The following CA10 variants were observed in gnomAD, a reference collection of about 807,000 sequenced individuals.
CA10 encodes carbonic anhydrase-related protein 10.
In CA10, 14 loss-of-function variants were observed where a neutral mutation model predicts 44.2. The observed-to-expected ratio is 0.32, with a 90% CI of 0.21 to 0.50. The LOEUF is 0.50. CA10 is among the 20% of genes least tolerant of loss of function. The pLI is 0.99. For synonymous variants in CA10, 159 were observed against 141.6 expected (o/e 1.12, Z -0.87); for missense variants, 350 against 409.7 (o/e 0.85, Z 1.26).
chr17:52,024,853 A>G (rs1304377561), intron 2 of CA10, among the ~76,000 whole-genome samples: 1 of 151,996 alleles, frequency 6.6e-6, no homozygotes, highest in Non-Finnish European at 1.5e-5. Context: ...GGTGATAGTG[A>G]TAATAATTAT....
At chr17:51,790,379 G>T (rs1906471348) in intron 3 of CA10, among the ~76,000 whole-genome samples, 1 of 152,136 alleles carries the variant, frequency 6.6e-6, no homozygotes, top group South Asian at 2.1e-4. Flanking sequence ...CCTCTGAGTT[G>T]CAGTTAATAA....
intron 2 of CA10, among the ~76,000 whole-genome samples, chr17:51,934,131 CTAAGTT>C (rs1982773085): frequency 1.3e-5 from 2 of 152,140 alleles, no homozygotes; most frequent in Non-Finnish European, 2.9e-5. Context: ...GAACTGCTAT[CTAAGTT>C]TATTTACCCC....
rs1052042446 is a variant in CA10, at chr17:51,736,197, A to G, written c.465+11436T>C. 6.6e-5 allele frequency among the ~76,000 whole-genome samples: 10 copies of G among 152,330 alleles called. No homozygotes were observed. In the East Asian group the frequency reaches 1.7e-3, roughly 26 times the overall value. On this transcript the variant is annotated intron_variant, in intron 4 of 8. Transcript: ENST00000451037. ...TAAATTGCCTAGGGTCACAGCTGAT[A>G]GAGCCAGGATTCAAACACAGGAATG...
At chr17:52,127,536 A>G (rs1012222757) in intron 1 of CA10, among the ~76,000 whole-genome samples, 2 of 152,164 alleles carry the variant, frequency 1.3e-5, no homozygotes, top group African/African-American at 4.8e-5. Flanking sequence ...TAATGAAGTA[A>G]CAATGTACAC....
chr17:51,654,409 C>T (rs1913705625), intron 4 of CA10, among the ~76,000 whole-genome samples: 1 of 152,120 alleles, frequency 6.6e-6, no homozygotes, highest in African/African-American at 2.4e-5. Flanking sequence ...ACAGATGCTC[C>T]AGCAATTTTT....
chr17:51,728,218 T>C (rs559276592), intron 4 of CA10, among the ~76,000 whole-genome samples: 1 of 152,292 alleles, frequency 6.6e-6, no homozygotes, highest in African/African-American at 2.4e-5. Flanking sequence ...TGAAATAATT[T>C]TGATCTGTAG....
At position 51,660,367 on chromosome 17, in the gene CA10, C is replaced by T. The variant is rs180861577; in HGVS notation, c.466-6631G>A. Among the ~76,000 whole-genome samples, 33 of 152,320 alleles carry T rather than the reference C, an allele frequency of 2.2e-4. No homozygotes were observed. The East Asian group carries it at 6.4e-3, about 29-fold the overall frequency. ...AAGTGGAAGCCTGAAAACCATTGGC[C>T]TTTGGTGACCGGTAACTCAGCTTTC... On this transcript the variant is annotated intron_variant, in intron 4 of 8. Transcript: ENST00000451037.
intron 2 of CA10, among the ~76,000 whole-genome samples, chr17:51,946,383 G>C (rs1983272786): frequency 6.6e-6 from 1 of 152,158 alleles, no homozygotes; most frequent in South Asian, 2.1e-4. Context: ...CTACTGATCA[G>C]ATGCTTGTAG....
At position 51,725,716 on chromosome 17, in the gene CA10, T is replaced by A. The variant is rs555976061; in HGVS notation, c.465+21917A>T. 2.6e-5 allele frequency among the ~76,000 whole-genome samples: 4 copies of A among 152,344 alleles called. No homozygotes were observed. In the East Asian group the frequency reaches 7.7e-4, roughly 29 times the overall value. The stretch of plus-strand genomic sequence containing the variant: ...TTTCTCTGCCCTTTCTCTGCACCCA[T>A]CCCACATGCTTGTTTCTCAGGCTTG... On this transcript the variant is annotated intron_variant, in intron 4 of 8. Coordinates refer to ENST00000451037, the MANE Select transcript of CA10 (RefSeq NM_020178.5).
intron 3 of CA10, among the ~76,000 whole-genome samples, chr17:51,895,289 T>C (rs1981020712): frequency 6.6e-6 from 1 of 152,104 alleles, no homozygotes; most frequent in Non-Finnish European, 1.5e-5. Context: ...ACTTCTCATT[T>C]ACAATACAGA....
intron 2 of CA10, among the ~76,000 whole-genome samples, chr17:52,043,678 T>C (rs889813956): frequency 6.6e-6 from 1 of 152,180 alleles, no homozygotes; most frequent in Non-Finnish European, 1.5e-5. Context: ...TTGTGTATAA[T>C]GTTAGCAGTG....
intron 2 of CA10, among the ~76,000 whole-genome samples, chr17:51,989,685 G>T (rs1346428579): frequency 3.3e-5 from 5 of 152,010 alleles, no homozygotes. Context: ...ATTATCCTTA[G>T]CAAACTAACA....
intron 3 of CA10, among the ~76,000 whole-genome samples, chr17:51,789,052 C>T (rs1223272833): frequency 6.6e-6 from 1 of 152,144 alleles, no homozygotes; most frequent in Non-Finnish European, 1.5e-5. Context: ...CTCAATCACC[C>T]AGGCTGGAGT....
chr17:51,668,709 G>A (rs1914297888), intron 4 of CA10, among the ~76,000 whole-genome samples: 2 of 152,156 alleles, frequency 1.3e-5, no homozygotes, highest in Admixed American at 1.3e-4. Flanking sequence ...CTGCACTGTG[G>A]GAGCCCCTCT....
chr17:51,846,626 C>G (rs1396436435), intron 3 of CA10, among the ~76,000 whole-genome samples: 1 of 152,256 alleles, frequency 6.6e-6, no homozygotes, highest in African/African-American at 2.4e-5. Context: ...CCATATTAAT[C>G]TCTCCATAGT....
intron 2 of CA10, among the ~76,000 whole-genome samples, chr17:52,007,770 CTTTA>C (rs1054531873): frequency 7.3e-5 from 11 of 151,188 alleles, no homozygotes; most frequent in African/African-American, 2.7e-4. Flanking sequence ...GGGTAGCATT[CTTTA>C]TTTTTCTATT....
chr17:52,127,414 T>G (rs1472926917), intron 1 of CA10, among the ~76,000 whole-genome samples: 1 of 152,170 alleles, frequency 6.6e-6, no homozygotes, highest in African/African-American at 2.4e-5. Context: ...CCAGCACACA[T>G]GCATGCATAT....
chr17:51,789,733 A>G (rs1189571561), intron 3 of CA10, among the ~76,000 whole-genome samples: 1 of 152,166 alleles, frequency 6.6e-6, no homozygotes, highest in Non-Finnish European at 1.5e-5. Flanking sequence ...CCAAGTGCTC[A>G]TACACAGGTG....
chr17:51,916,545 A>G (rs1982004037), intron 3 of CA10, among the ~76,000 whole-genome samples: 1 of 152,142 alleles, frequency 6.6e-6, no homozygotes, highest in Admixed American at 6.5e-5. Context: ...GTTTCCCTGC[A>G]CAAATTCTCT....
Sources: gnomAD v4.1 joint callset for allele counts (sites outside exome capture counted in the v4.1 genomes callset) on GRCh38, gnomAD v4.1.1 for gene constraint, MANE v1.5 for transcripts, NCBI Gene and HGNC (gene_info 2026-07-23, HGNC 2026-07-21) for gene names.